GALNT2: variants seen among roughly 807,000 people sequenced by gnomAD.
The protein encoded by GALNT2 is polypeptide N-acetylgalactosaminyltransferase 2, also known as UDP-GalNAc:polypeptide N-acetylgalactosaminyltransferase 2.
GALNT2 carries 31 observed loss-of-function variants against 81.4 expected under a neutral mutation model. The observed-to-expected ratio is 0.38, with a 90% confidence interval of 0.29 to 0.51. The LOEUF (loss-of-function observed/expected upper bound fraction) is 0.51. Ranked by LOEUF, GALNT2 falls within the 20% of genes least tolerant of loss-of-function variation. The pLI, the probability that GALNT2 is intolerant of heterozygous loss-of-function variation, is 0.87. For missense variants in GALNT2, 629 were observed against 765.7 expected, an observed-to-expected ratio of 0.82 and a Z score of 2.11; for synonymous variants, 303 against 287.4, an observed-to-expected ratio of 1.05 and a Z score of -0.55.
At chr1:230,130,212 T>C in intron 1 of GALNT2, among the ~76,000 whole-genome samples, 1 of 152,220 alleles carries the variant, frequency 6.6e-6, no homozygotes, top group East Asian at 1.9e-4. Context: ...CATATCTTTC[T>C]TCTGTAAGCT....
upstream of GALNT2, among the ~76,000 whole-genome samples, chr1:230,067,036 C>G (rs966160902): frequency 1.8e-4 from 27 of 148,458 alleles, 1 homozygote; most frequent in Admixed American, 6.0e-4. Context: ...CCTTTGCTCC[C>G]TGACCCCCCT....
intron 1 of GALNT2, among the ~76,000 whole-genome samples, chr1:230,091,040 G>A (rs561714206): frequency 1.8e-4 from 28 of 151,928 alleles, no homozygotes; most frequent in African/African-American, 6.3e-4. Context: ...TGGGGTGTGT[G>A]TACTCCGCAG....
intron 1 of GALNT2, among the ~76,000 whole-genome samples, chr1:230,077,879 A>G (rs937312674): frequency 1.3e-5 from 2 of 152,182 alleles, no homozygotes; most frequent in Non-Finnish European, 2.9e-5. Flanking sequence ...TTCACCATCC[A>G]TTCCTATCCC....
rs1385058501 is a variant in GALNT2, at chr1:230,271,795, G to A, written c.1441-2650G>A. On this transcript the variant is annotated intron_variant, in intron 14 of 15. Coordinates refer to ENST00000366672, the MANE Select transcript of GALNT2 (RefSeq NM_004481.5). The surrounding 1 kb of genome is among the most constrained non-coding windows in gnomAD (Gnocchi z 4.2). Reference sequence around the variant, plus strand: ...GGTGTGCCGCTCTCCCAGCGCCTCCGCATGTCCGGCAGCCACATCCCGGAG... The same window carrying A: ...GGTGTGCCGCTCTCCCAGCGCCTCCACATGTCCGGCAGCCACATCCCGGAG... Among the ~76,000 whole-genome samples the A allele has an allele frequency of 2.6e-5, 4 of 152,216 alleles. No homozygotes were observed. Among genetic ancestry groups the A allele is most frequent in the East Asian group, 3.9e-4 (2 of 5,190 alleles).
chr1:230,196,786 G>A (rs186706051), intron 2 of GALNT2, among the ~76,000 whole-genome samples: 4 of 152,264 alleles, frequency 2.6e-5, no homozygotes, highest in Non-Finnish European at 5.9e-5. Context: ...GCCCTCAATA[G>A]CCCTCTGGGT....
At chr1:230,155,270 C>T (rs1357987877) in intron 1 of GALNT2, among the ~76,000 whole-genome samples, 1 of 152,170 alleles carries the variant, frequency 6.6e-6, no homozygotes, top group Admixed American at 6.5e-5. Flanking sequence ...TGTGCTGGCT[C>T]CTGCCCGCCC....
At chr1:230,146,681 G>A (rs1293566681) in intron 1 of GALNT2, among the ~76,000 whole-genome samples, 2 of 152,204 alleles carry the variant, frequency 1.3e-5, no homozygotes, top group Non-Finnish European at 2.9e-5. Context: ...TTAATGAAAC[G>A]GCATTGGGAC....
At chr1:230,212,997 A>G (rs563496695) in intron 3 of GALNT2, among the ~76,000 whole-genome samples, 1 of 152,310 alleles carries the variant, frequency 6.6e-6, no homozygotes, top group Non-Finnish European at 1.5e-5. Context: ...TCTCCTTTTC[A>G]AAGATCATTA....
chr1:230,173,989 A>G (rs1230731275), intron 1 of GALNT2, among the ~76,000 whole-genome samples: 3 of 152,196 alleles, frequency 2.0e-5, no homozygotes, highest in Non-Finnish European at 4.4e-5. Context: ...CAGAAGGAAT[A>G]TGACAGCTTT....
chr1:230,190,550 T>G (rs1663488458), intron 2 of GALNT2, among the ~76,000 whole-genome samples: 1 of 152,150 alleles, frequency 6.6e-6, no homozygotes, highest in African/African-American at 2.4e-5. Context: ...TTCAGTAGAT[T>G]TGGGGGATTT....
rs145069093 is a variant in GALNT2, at chr1:230,275,698, T to TATATATACAC, written c.1560+1136_1560+1145dup. Among the ~76,000 whole-genome samples, 55,911 of 148,852 alleles carry TATATATACAC rather than the reference T, an allele frequency of 0.38. 11,863 individuals carry two copies. The highest frequency in any genetic ancestry group is 0.58 in the African/African-American group (23,513 of 40,450). ...CATGTATACATATGTAAACACCACA[T>TATATATACAC]ATATATACACACCACATATACACAC... On this transcript the variant is annotated intron_variant, in intron 15 of 15. Coordinates refer to ENST00000366672, the MANE Select transcript of GALNT2 (RefSeq NM_004481.5). The surrounding 1 kb of genome is among the most constrained non-coding windows in gnomAD (Gnocchi z 5.5).
intron 3 of GALNT2, among the ~76,000 whole-genome samples, chr1:230,233,944 C>T (rs556020447): frequency 6.6e-6 from 1 of 151,842 alleles, no homozygotes; most frequent in African/African-American, 2.4e-5. Flanking sequence ...TAGCCGGGAA[C>T]AAATTTCCTC....
chr1:230,243,225 G>T lies in GALNT2; in HGVS notation c.608-81G>T. 6.7e-7 allele frequency: 1 copy of T among 1,486,238 alleles called. No homozygotes were observed. The highest frequency in any genetic ancestry group is 1.4e-5 in the South Asian group (1 of 72,484). The allele number at this position is 1,486,238 out of a possible 1,614,324, so 92.1% of individuals were successfully genotyped here. A position where few individuals can be genotyped will look rare whatever the true frequency, so the allele number is the denominator to read the frequency against. ...AAGCAGGCTGCAGAGCTGCGGGCAG[G>T]GAGGCGTCGCCGGTTGGCATGGGGT... On this transcript the variant is annotated intron_variant, in intron 6 of 15. Transcript: ENST00000366672. This position sits in a 1 kb window ranked among gnomAD's most constrained non-coding sequence, Gnocchi z 4.2.
At chr1:230,229,740 C>CTG (rs2102730480) in intron 3 of GALNT2, among the ~76,000 whole-genome samples, 1 of 152,316 alleles carries the variant, frequency 6.6e-6, no homozygotes, top group East Asian at 1.9e-4. Flanking sequence ...TGAAACAGAG[C>CTG]TGTGTGTGTC....
chr1:230,145,077 GT>G (rs1661872458), intron 1 of GALNT2, among the ~76,000 whole-genome samples: 2 of 152,164 alleles, frequency 1.3e-5, no homozygotes, highest in African/African-American at 4.8e-5. Flanking sequence ...TGCGTCATCT[GT>G]TTTCTGCTGC....
chr1:230,200,227 T>C (rs1201200515), intron 2 of GALNT2, among the ~76,000 whole-genome samples: 2 of 152,084 alleles, frequency 1.3e-5, no homozygotes, highest in African/African-American at 4.8e-5. Context: ...CACGTCTGGC[T>C]AATTTTTTGT....
At chr1:230,133,275 A>C (rs1661427829) in intron 1 of GALNT2, among the ~76,000 whole-genome samples, 1 of 152,156 alleles carries the variant, frequency 6.6e-6, no homozygotes, top group African/African-American at 2.4e-5. Context: ...AGAGAGTTTG[A>C]ACATTTTTAA....
At chr1:230,180,802 C>T (rs892089927) in intron 2 of GALNT2, among the ~76,000 whole-genome samples, 10 of 152,068 alleles carry the variant, frequency 6.6e-5, no homozygotes, top group Admixed American at 1.3e-4. Flanking sequence ...TTGTAGTTTT[C>T]CTCATACAGA....
At chr1:230,263,395 C>T in intron 13 of GALNT2, 1 of 196,384 alleles carries the variant, frequency 5.1e-6, no homozygotes, top group East Asian at 1.3e-4. Flanking sequence ...AGCCCTCGAT[C>T]CCCCCGCCAG....
Sources: allele counts gnomAD v4.1 joint callset (sites outside exome capture counted in the v4.1 genomes callset), GRCh38; gene constraint gnomAD v4.1.1; non-coding constraint Gnocchi (gnomAD v3.1); transcripts MANE v1.5; gene names NCBI Gene and HGNC (gene_info 2026-07-23, HGNC 2026-07-21).